The following MINDY4B variants were observed in gnomAD, a reference collection of about 807,000 sequenced individuals.
MINDY4B encodes the protein inactive ubiquitin carboxyl-terminal hydrolase MINDY-4B.
A neutral mutation model predicts 16.7 loss-of-function variants in MINDY4B; 25 were observed. The observed-to-expected ratio is 1.49, with a 90% CI of 1.09 to 2.09. MINDY4B has a LOEUF of 2.09. Among genes scored for constraint, MINDY4B ranks in the 30% most tolerant of loss-of-function variants. The pLI, the probability that MINDY4B is intolerant of heterozygous loss-of-function variation, is 0.00. For synonymous variants in MINDY4B, 132 were observed against 61.9 expected (o/e 2.13, Z -5.32); for missense variants, 327 against 168.4 (o/e 1.94, Z -5.21).
rs1258888684 is a variant in MINDY4B, at chr3:150,893,507, C to T, written c.430-92G>A. Reference sequence around the variant, plus strand: ...GCAGGCTTTTCCCTCCTGGTATCCCCCAGAGCTTTGTGAAGGGACACCATG... The same window carrying T: ...GCAGGCTTTTCCCTCCTGGTATCCCTCAGAGCTTTGTGAAGGGACACCATG... On this transcript the variant is annotated intron_variant, in intron 4 of 11. Transcript: ENST00000465419. 5.8e-6 allele frequency: 4 copies of T among 693,686 alleles called. No individual in the cohort carries two copies. In the African/African-American group the frequency reaches 7.0e-5, roughly 12 times the overall value. 43.0% of individuals were successfully genotyped at this position (693,686 alleles called of 1,614,324 possible).
intron 3 of MINDY4B, among the ~76,000 whole-genome samples, chr3:150,896,211 T>G (rs1044129425): frequency 5.3e-5 from 8 of 152,172 alleles, no homozygotes; most frequent in African/African-American, 1.9e-4. Flanking sequence ...GTCCACTGTT[T>G]CTTGAAGTTT....
At chr3:150,889,200 T>A (rs1307551488) in intron 7 of MINDY4B, among the ~76,000 whole-genome samples, 1 of 152,168 alleles carries the variant, frequency 6.6e-6, no homozygotes, top group African/African-American at 2.4e-5. Context: ...CTGAAGTGGG[T>A]TTTAATGAGC....
At chr3:150,885,325 C>T in intron 8 of MINDY4B, 43 bp downstream of exon 8, 2 of 700,110 alleles carry the variant, frequency 2.9e-6, no homozygotes, top group Non-Finnish European at 5.2e-6. Flanking sequence ...TATGTGATCC[C>T]AATCCTATAG....
chr3:150,886,305 C>T (rs1359227663), intron 7 of MINDY4B, among the ~76,000 whole-genome samples: 1 of 152,212 alleles, frequency 6.6e-6, no homozygotes, highest in Non-Finnish European at 1.5e-5. Context: ...GAGACTTTTG[C>T]TAAAATGCAT....
chr3:150,873,436 G>T, intron 10 of MINDY4B, 69 bp from the exon 11 acceptor site: 1 of 658,744 alleles, frequency 1.5e-6, no homozygotes, highest in Non-Finnish European at 2.8e-6. Context: ...GCCGATACAT[G>T]ATCGCGACCA....
chr3:150,897,552 C>T (rs1054426379), intron 3 of MINDY4B, among the ~76,000 whole-genome samples: 14 of 152,116 alleles, frequency 9.2e-5, no homozygotes, highest in Admixed American at 3.9e-4. Context: ...GGAGCAGGCC[C>T]TGAGAGTAGG....
At chr3:150,881,759 A>C (rs756104830) in intron 10 of MINDY4B, among the ~76,000 whole-genome samples, 1 of 152,164 alleles carries the variant, frequency 6.6e-6, no homozygotes, top group Non-Finnish European at 1.5e-5. Context: ...TTTTTCTATG[A>C]TGAACAAAGA....
intron 10 of MINDY4B, among the ~76,000 whole-genome samples, chr3:150,875,960 T>C (rs968256194): frequency 7.9e-5 from 12 of 152,206 alleles, no homozygotes; most frequent in Admixed American, 4.6e-4. Context: ...GCATTTTTTG[T>C]TTTAAGCATT....
At chr3:150,879,473 T>C (rs1256682265) in intron 10 of MINDY4B, among the ~76,000 whole-genome samples, 1 of 152,162 alleles carries the variant, frequency 6.6e-6, no homozygotes, top group African/African-American at 2.4e-5. Flanking sequence ...GAAGTCCTGC[T>C]CTGGAACAGA....
In MINDY4B at chr3:150,891,053, AGCGCC is replaced by A; in HGVS notation, c.567_571del (p.Ala190CysfsTer20). 1 of 702,836 alleles carries A rather than the reference AGCGCC, an allele frequency of 1.4e-6. No homozygotes were observed. 43.5% of individuals were successfully genotyped at this position (702,836 alleles called of 1,614,324 possible). A position where few individuals can be genotyped will look rare whatever the true frequency, so the allele number is the denominator to read the frequency against. On this transcript the variant is annotated frameshift_variant, in exon 6 of 12. Transcript: ENST00000465419. LOFTEE classifies it high-confidence loss of function. ...TCCTGCAGCCCACAGGATGCCAGCA[AGCGCC>A]GCGGCCAAGGCTTGCTCCTGCTCCT... is the stretch of plus-strand genomic sequence containing the variant.
intron 3 of MINDY4B, among the ~76,000 whole-genome samples, chr3:150,899,092 A>G (rs2107910524): frequency 6.6e-6 from 1 of 152,294 alleles, no homozygotes; most frequent in Middle Eastern, 3.4e-3. Context: ...TTTGCCATCA[A>G]TTTCTTAGCA....
chr3:150,901,968 C>A lies in MINDY4B; in HGVS notation c.309+1281G>T, dbSNP rs146094935. On this transcript the variant is annotated intron_variant, in intron 3 of 11. Transcript: ENST00000465419. ...GAATCCAGGGGCTGTGTGGTCCCTGCATCTGATTGTGTCCTGTCTCGGGGA... is the reference window on the plus strand; with the variant it reads ...GAATCCAGGGGCTGTGTGGTCCCTGAATCTGATTGTGTCCTGTCTCGGGGA... Among the ~76,000 whole-genome samples, 13 of 152,142 alleles carry A rather than the reference C, an allele frequency of 8.5e-5. No individual in the cohort carries two copies. In the East Asian group the frequency reaches 2.5e-3, roughly 29 times the overall value.
At position 150,871,130 on chromosome 3, in the gene MINDY4B, C is replaced by T. The variant is rs368172690; in HGVS notation, c.1298G>A (p.Arg433Gln). 12 of 702,706 alleles carry T rather than the reference C, an allele frequency of 1.7e-5. No homozygotes were observed. Among genetic ancestry groups the T allele is most frequent in the East Asian group, 2.7e-5 (1 of 37,294 alleles). 43.5% of individuals were successfully genotyped at this position (702,706 alleles called of 1,614,324 possible). ...DQQEEKHGPR[R>Q]RFSPVEMAIR... is the part of the protein sequence containing the mutation. ...TGCCATCTCCACTGGTGAAAACCGT[C>T]GTCTTGGTCCATGTTTCTCTTCCTG... The change falls in exon 12 of 12, where the codon CGA becomes CAA. Residue 433 changes from arginine to glutamine, a missense_variant. Coordinates refer to ENST00000465419, the MANE Select transcript of MINDY4B (RefSeq NM_001351281.2).
At chr3:150,893,288 A>G (rs1304825569) in intron 5 of MINDY4B, 36 bp downstream of exon 5, 2 of 701,862 alleles carry the variant, frequency 2.8e-6, no homozygotes, top group African/African-American at 3.5e-5. Flanking sequence ...ATTCTAGTGA[A>G]ATGGGTAATT....
At chr3:150,885,230 G>A (rs528570176) in intron 8 of MINDY4B, 138 bp downstream of exon 8, 22 of 604,740 alleles carry the variant, frequency 3.6e-5, no homozygotes, top group Middle Eastern at 3.1e-4. Context: ...AGGAAAGGAC[G>A]TGTCAACAAA....
chr3:150,889,903 G>A (rs1035813598), intron 7 of MINDY4B, among the ~76,000 whole-genome samples: 21 of 152,328 alleles, frequency 1.4e-4, no homozygotes, highest in African/African-American at 4.1e-4. Flanking sequence ...AGGTGAAACA[G>A]GACCTTTTCA....
chr3:150,874,005 ATTTTTTTTTTT>A (rs558319330), intron 10 of MINDY4B, among the ~76,000 whole-genome samples: 7 of 81,988 alleles, frequency 8.5e-5, no homozygotes, highest in Non-Finnish European at 1.6e-4. Flanking sequence ...TTTAGCCTTG[ATTTTTTTTTTT>A]TTTTTTTTTT....
chr3:150,873,187 C>A lies in MINDY4B; in HGVS notation c.1240G>T (p.Asp414Tyr). ...SQKKLVRLTI[D>Y]THSHHWERDQ... Reference sequence around the variant, plus strand: ...AACACCTGGAGTCTGAAATGCTCACCTATTGTAAGACGCACAAGCTTTTTC... The same window carrying A: ...AACACCTGGAGTCTGAAATGCTCACATATTGTAAGACGCACAAGCTTTTTC... Residue 414 changes from aspartate (D) to tyrosine (Y), a missense_variant and splice_region_variant, in exon 11 of 12, where the codon GAT becomes TAT. Physicochemically the swap from Asp to Tyr is radical, Grantham distance 160. Coordinates refer to ENST00000465419, the MANE Select transcript of MINDY4B (RefSeq NM_001351281.2). 1 of 702,316 alleles carries A rather than the reference C, an allele frequency of 1.4e-6. No individual in the cohort carries two copies. The allele number at this position is 702,316 out of a possible 1,614,324, so 43.5% of individuals were successfully genotyped here. A position where few individuals can be genotyped will look rare whatever the true frequency, so the allele number is the denominator to read the frequency against.
chr3:150,888,830 A>G (rs1553768143), intron 7 of MINDY4B, among the ~76,000 whole-genome samples: 1 of 152,076 alleles, frequency 6.6e-6, no homozygotes, highest in Admixed American at 6.5e-5. Context: ...TCTGATCTCA[A>G]CCGTGGCTAC....
Sources: allele counts gnomAD v4.1 joint callset (sites outside exome capture counted in the v4.1 genomes callset), GRCh38; gene constraint gnomAD v4.1.1; transcripts MANE v1.5; gene names NCBI Gene and HGNC (gene_info 2026-07-23, HGNC 2026-07-21).